The following CTNNA3 variants were observed in gnomAD, a reference collection of about 807,000 sequenced individuals.
The protein encoded by CTNNA3 is catenin alpha-3.
In CTNNA3, 76 loss-of-function variants were observed where a neutral mutation model predicts 95.7. The ratio of observed to expected loss-of-function variants is 0.79; its 90% confidence interval spans 0.66 to 0.96. The LOEUF (loss-of-function observed/expected upper bound fraction) is 0.96. Ranked by LOEUF, CTNNA3 falls within the 40% of genes least tolerant of loss-of-function variation. CTNNA3 has a pLI of 0.00. For synonymous variants in CTNNA3, 431 were observed against 374.4 expected (o/e 1.15, Z -1.74); for missense variants, 1,191 against 1,089.8 (o/e 1.09, Z -1.31).
intron 9 of CTNNA3, among the ~76,000 whole-genome samples, chr10:66,739,212 C>T (rs1201062648): frequency 6.6e-6 from 1 of 152,180 alleles, no homozygotes; most frequent in Non-Finnish European, 1.5e-5. Flanking sequence ...GGTTCTCAAA[C>T]TTTAGTGTCC....
intron 7 of CTNNA3, among the ~76,000 whole-genome samples, chr10:66,976,260 G>A (rs10997462): frequency 0.45 from 68,882 of 151,986 alleles, 16,435 homozygotes; most frequent in East Asian, 0.6. Context: ...ATGGAATGGC[G>A]GCACTAATAT....
At chr10:66,496,787 G>C (rs1840113584) in intron 11 of CTNNA3, among the ~76,000 whole-genome samples, 1 of 152,160 alleles carries the variant, frequency 6.6e-6, no homozygotes. Context: ...GAACAACGGT[G>C]AATAATAGCT....
chr10:67,401,128 C>T (rs1844902884), intron 5 of CTNNA3, among the ~76,000 whole-genome samples: 2 of 152,170 alleles, frequency 1.3e-5, no homozygotes, highest in Admixed American at 1.3e-4. Context: ...CCACCTCCCA[C>T]CACATTAGGA....
intron 5 of CTNNA3, among the ~76,000 whole-genome samples, chr10:67,508,818 A>T (rs1839511102): frequency 6.6e-6 from 1 of 152,162 alleles, no homozygotes; most frequent in African/African-American, 2.4e-5. Flanking sequence ...AGCAAAAAAG[A>T]AAAGAAAAGA....
intron 5 of CTNNA3, among the ~76,000 whole-genome samples, chr10:67,413,131 A>G (rs1363766594): frequency 6.6e-6 from 1 of 152,098 alleles, no homozygotes; most frequent in African/African-American, 2.4e-5. Flanking sequence ...CACAAACTCA[A>G]CGTAAAAGTA....
At chr10:66,997,568 A>G (rs1414242774) in intron 7 of CTNNA3, among the ~76,000 whole-genome samples, 1 of 152,154 alleles carries the variant, frequency 6.6e-6, no homozygotes, top group African/African-American at 2.4e-5. Flanking sequence ...ATATGTATTC[A>G]TGTAACTAAA....
intron 11 of CTNNA3, among the ~76,000 whole-genome samples, chr10:66,461,771 T>C (rs2093531042): frequency 6.6e-6 from 1 of 151,172 alleles, no homozygotes; most frequent in Non-Finnish European, 1.5e-5. Flanking sequence ...AGAGTGCTCT[T>C]CTCTTCCTTC....
chr10:67,118,341 T>C (rs1859290391), intron 7 of CTNNA3, among the ~76,000 whole-genome samples: 1 of 151,922 alleles, frequency 6.6e-6, no homozygotes, highest in Non-Finnish European at 1.5e-5. Flanking sequence ...TATCATCCAT[T>C]CCTCTCCGAT....
chr10:67,233,738 G>A (rs1226353423), intron 5 of CTNNA3, among the ~76,000 whole-genome samples: 3 of 149,414 alleles, frequency 2.0e-5, no homozygotes, highest in South Asian at 4.3e-4. Flanking sequence ...TTTTTTGAAA[G>A]GATCAACAAA....
chr10:67,099,378 C>T (rs1858204239), intron 7 of CTNNA3: 1 of 151,326 alleles, frequency 6.6e-6, no homozygotes, highest in South Asian at 2.1e-4. Context: ...ACTAGAAGTG[C>T]TTTTTATGTT....
intron 7 of CTNNA3, among the ~76,000 whole-genome samples, chr10:67,144,738 T>C (rs1451624651): frequency 6.6e-6 from 1 of 152,206 alleles, no homozygotes; most frequent in African/African-American, 2.4e-5. Context: ...TGATCTTCTA[T>C]CCAGACCACT....
chr10:67,605,695 T>C (rs1042305881), intron 3 of CTNNA3, among the ~76,000 whole-genome samples: 1 of 151,898 alleles, frequency 6.6e-6, no homozygotes, highest in Admixed American at 6.5e-5. Flanking sequence ...TTTTTTTTTT[T>C]GAGACGAAGT....
At chr10:67,540,000 A>T (rs1158331385) in intron 3 of CTNNA3, among the ~76,000 whole-genome samples, 2 of 152,162 alleles carry the variant, frequency 1.3e-5, no homozygotes, top group East Asian at 3.9e-4. Context: ...TTCAATCATA[A>T]ACAATCCTGC....
At chr10:67,449,024 T>C (rs973060503) in intron 5 of CTNNA3, among the ~76,000 whole-genome samples, 8 of 151,842 alleles carry the variant, frequency 5.3e-5, no homozygotes, top group Non-Finnish European at 1.2e-4. Context: ...ATCACTTCCA[T>C]TACTATACAC....
chr10:66,025,593 T>C (rs758247974), intron 15 of CTNNA3, among the ~76,000 whole-genome samples: 32 of 152,196 alleles, frequency 2.1e-4, no homozygotes, highest in Non-Finnish European at 3.8e-4. Flanking sequence ...CATCTATGCT[T>C]TGTTCACCTG....
chr10:66,866,288 T>C (rs1029414709), intron 7 of CTNNA3, among the ~76,000 whole-genome samples: 1 of 152,240 alleles, frequency 6.6e-6, no homozygotes, highest in South Asian at 2.1e-4. Flanking sequence ...GTGTTTTCAA[T>C]GATCTGCTTT....
At chr10:66,496,651 T>C (rs928748165) in intron 11 of CTNNA3, among the ~76,000 whole-genome samples, 1 of 152,174 alleles carries the variant, frequency 6.6e-6, no homozygotes, top group African/African-American at 2.4e-5. Context: ...GAAGGAATTG[T>C]CTTAGTATTC....
chr10:66,240,259 A>T (rs1247227046), intron 13 of CTNNA3, among the ~76,000 whole-genome samples: 1 of 152,102 alleles, frequency 6.6e-6, no homozygotes, highest in Non-Finnish European at 1.5e-5. Context: ...AACATTTCAA[A>T]TGAAGAACCA....
intron 11 of CTNNA3, among the ~76,000 whole-genome samples, chr10:66,422,105 A>C (rs1377887186): frequency 6.6e-6 from 1 of 151,868 alleles, no homozygotes; most frequent in Non-Finnish European, 1.5e-5. Context: ...GATATTTCTC[A>C]ACGGATCCTT....
Sources: allele counts gnomAD v4.1 joint callset (sites outside exome capture counted in the v4.1 genomes callset), GRCh38; gene constraint gnomAD v4.1.1; transcripts MANE v1.5; gene names NCBI Gene and HGNC (gene_info 2026-07-23, HGNC 2026-07-21).